The following SPTLC3 variants were observed in gnomAD, a reference collection of about 807,000 sequenced individuals.
SPTLC3 encodes serine palmitoyltransferase 3.
A neutral mutation model predicts 59.3 loss-of-function variants in SPTLC3; 36 were observed. The observed-to-expected ratio is 0.61, with a 90% CI of 0.47 to 0.80. The LOEUF (loss-of-function observed/expected upper bound fraction) is 0.80. SPTLC3 is among the 30% of genes least tolerant of loss of function. The pLI is 0.00. For synonymous variants in SPTLC3, 257 were observed against 240.8 expected, an observed-to-expected ratio of 1.07 and a Z score of -0.62; for missense variants, 625 against 685.1, an observed-to-expected ratio of 0.91 and a Z score of 0.98.
rs139794212 is a variant in SPTLC3 at position 13,049,277 on chromosome 20, A to G, written c.303+147A>G. The G allele has an allele frequency of 1.9e-4, 162 of 833,542 alleles. 2 individuals carry two copies. In the East Asian group the frequency reaches 4.2e-3, roughly 21 times the overall value. The allele number at this position is 833,542 out of a possible 1,614,324, so 51.6% of individuals were successfully genotyped here. A position where few individuals can be genotyped will look rare whatever the true frequency, so the allele number is the denominator to read the frequency against. ...AATTTCATTCATCTCCACCTCCTAA[A>G]CCCCATTACCCATGGGCTTATGGAC... On this transcript the variant is annotated intron_variant, in intron 2 of 11. Transcript: ENST00000399002.
chr20:13,096,683 G>A (rs1201655349), intron 6 of SPTLC3, among the ~76,000 whole-genome samples: 4 of 152,016 alleles, frequency 2.6e-5, no homozygotes, highest in Non-Finnish European at 5.9e-5. Flanking sequence ...AACTTTCTGG[G>A]GCAATCTTTT....
At chr20:13,042,380 T>C (rs766541988) in intron 1 of SPTLC3, among the ~76,000 whole-genome samples, 2 of 152,168 alleles carry the variant, frequency 1.3e-5, no homozygotes, top group Middle Eastern at 3.2e-3. Flanking sequence ...GAAAGGATAG[T>C]AGCTCTAGGT....
intron 6 of SPTLC3, among the ~76,000 whole-genome samples, chr20:13,109,540 G>A (rs999005133): frequency 1.3e-5 from 2 of 152,234 alleles, no homozygotes; most frequent in Admixed American, 6.5e-5. Context: ...CTGGCACACA[G>A]ATAGGGCTCA....
intron 9 of SPTLC3, among the ~76,000 whole-genome samples, chr20:13,141,884 G>C (rs1201100457): frequency 6.6e-6 from 1 of 152,206 alleles, no homozygotes. Context: ...CTTTTTGTGT[G>C]TGTGGACCTA....
At chr20:13,112,047 T>C (rs921773786) in intron 7 of SPTLC3, among the ~76,000 whole-genome samples, 4 of 152,204 alleles carry the variant, frequency 2.6e-5, no homozygotes, top group Admixed American at 2.0e-4. Flanking sequence ...GCACTAGCAA[T>C]AGTGACTGCT....
At chr20:13,041,349 A>G (rs6033590) in intron 1 of SPTLC3, among the ~76,000 whole-genome samples, 21,205 of 151,666 alleles carry the variant, frequency 0.14, 2,211 homozygotes, top group African/African-American at 0.3. Flanking sequence ...AAAGTTTTCT[A>G]ATTTTTTGGT....
intron 8 of SPTLC3, among the ~76,000 whole-genome samples, chr20:13,125,543 C>T (rs1166729297): frequency 4.6e-5 from 7 of 152,162 alleles, no homozygotes; most frequent in Non-Finnish European, 1.0e-4. Context: ...AAACTCTGCC[C>T]ATCAACAATG....
chr20:13,154,822 T>C (rs1045042490), intron 10 of SPTLC3, among the ~76,000 whole-genome samples: 1 of 152,192 alleles, frequency 6.6e-6, no homozygotes, highest in African/African-American at 2.4e-5. Context: ...GGGACAATTT[T>C]ATACATGAGC....
intron 4 of SPTLC3, among the ~76,000 whole-genome samples, chr20:13,081,801 C>T (rs1445941323): frequency 4.6e-5 from 7 of 152,054 alleles, no homozygotes; most frequent in Non-Finnish European, 8.8e-5. Context: ...TTATAGATTC[C>T]AATTAATGAG....
intron 9 of SPTLC3, among the ~76,000 whole-genome samples, chr20:13,151,145 A>T (rs1301752997): frequency 1.3e-5 from 2 of 152,140 alleles, no homozygotes; most frequent in Admixed American, 6.5e-5. Context: ...CACAGCTTCT[A>T]CCAACCAATG....
At chr20:13,059,940 T>C (rs569162812) in intron 2 of SPTLC3, among the ~76,000 whole-genome samples, 1 of 152,274 alleles carries the variant, frequency 6.6e-6, no homozygotes. Context: ...AGATAGCCCT[T>C]GGTGCTGCCT....
chr20:13,061,981 C>G (rs1331988452), intron 2 of SPTLC3, among the ~76,000 whole-genome samples: 1 of 152,172 alleles, frequency 6.6e-6, no homozygotes, highest in East Asian at 1.9e-4. Flanking sequence ...TCTCTAACTT[C>G]ATCCCTTCTC....
Position 13,064,279 on chromosome 20 carries a change from T to TTG in SPTLC3, c.304-7976_304-7975insGT, listed in dbSNP as rs1555790496. Reference sequence around the variant, plus strand: ...TTTTTCTTTTTCCTTTTCTTTTTTTTTTTTGTTTTGTTTTTGTTTTTGTTT... The same window carrying TTG: ...TTTTTCTTTTTCCTTTTCTTTTTTTTTGTTTTGTTTTGTTTTTGTTTTTGTTT... On this transcript the variant is annotated intron_variant, in intron 2 of 11. Coordinates refer to ENST00000399002, the MANE Select transcript of SPTLC3 (RefSeq NM_018327.4). Among the ~76,000 whole-genome samples, 186 of 136,754 alleles carry TTG rather than the reference T, an allele frequency of 1.4e-3. 2 individuals are homozygous for TTG. The highest frequency in any genetic ancestry group is 4.2e-3 in the African/African-American group (144 of 34,614). 89.7% of individuals were successfully genotyped at this position (136,754 alleles called of 152,430 possible).
At chr20:13,047,480 C>T (rs1481713563) in intron 1 of SPTLC3, among the ~76,000 whole-genome samples, 2 of 151,834 alleles carry the variant, frequency 1.3e-5, no homozygotes, top group African/African-American at 4.8e-5. Context: ...TTATGTATTC[C>T]AAGTATTCAA....
At chr20:13,146,910 C>T (rs752638931) in intron 9 of SPTLC3, among the ~76,000 whole-genome samples, 1 of 152,210 alleles carries the variant, frequency 6.6e-6, no homozygotes, top group Non-Finnish European at 1.5e-5. Flanking sequence ...CTGCGTAATG[C>T]CTTCATGATC....
chr20:13,112,780 T>G (rs960726796), intron 7 of SPTLC3, among the ~76,000 whole-genome samples: 4 of 152,202 alleles, frequency 2.6e-5, no homozygotes, highest in African/African-American at 9.6e-5. Context: ...CTTGGGGGCT[T>G]CAATTTCCTC....
intron 9 of SPTLC3, among the ~76,000 whole-genome samples, chr20:13,132,003 A>C (rs1600346983): frequency 6.6e-6 from 1 of 152,054 alleles, no homozygotes; most frequent in South Asian, 2.1e-4. Context: ...CTCCCACAGA[A>C]GGGTCTTTGC....
intron 4 of SPTLC3, among the ~76,000 whole-genome samples, chr20:13,088,353 G>T (rs988542443): frequency 6.6e-6 from 1 of 151,964 alleles, no homozygotes; most frequent in Non-Finnish European, 1.5e-5. Context: ...TTTGTTTTTT[G>T]AGATGGAGTC....
At chr20:13,109,670 T>C (rs1990111876) in intron 6 of SPTLC3, among the ~76,000 whole-genome samples, 1 of 152,214 alleles carries the variant, frequency 6.6e-6, no homozygotes, top group Non-Finnish European at 1.5e-5. Flanking sequence ...AAATCAAGGC[T>C]CAAAGTGTAG....
Sources: gnomAD v4.1 joint callset for allele counts (sites outside exome capture counted in the v4.1 genomes callset) on GRCh38, gnomAD v4.1.1 for gene constraint, MANE v1.5 for transcripts, NCBI Gene and HGNC (gene_info 2026-07-23, HGNC 2026-07-21) for gene names.